The following MYCBP2 variants were observed in gnomAD, a reference collection of about 807,000 sequenced individuals.
The protein encoded by MYCBP2 is E3 ubiquitin-protein ligase MYCBP2.
A neutral mutation model predicts 525.3 loss-of-function variants in MYCBP2; 120 were observed. The observed-to-expected ratio is 0.23, with a 90% CI of 0.20 to 0.27. The LOEUF (loss-of-function observed/expected upper bound fraction) is 0.27. Among genes scored for constraint, MYCBP2 ranks in the 10% least tolerant of loss-of-function variants. The pLI, the probability that MYCBP2 is intolerant of heterozygous loss-of-function variation, is 1.00. For missense variants in MYCBP2, 4,149 were observed against 5,657.1 expected, an observed-to-expected ratio of 0.73 and a Z score of 8.55; for synonymous variants, 1,894 against 1,955.8, an observed-to-expected ratio of 0.97 and a Z score of 0.83.
rs2043375850 is a variant in MYCBP2 at position 77,082,005 on chromosome 13, A to T, written c.11037-12T>A. On this transcript the variant is annotated splice_polypyrimidine_tract_variant and intron_variant, in intron 63 of 82. Transcript: ENST00000544440. ...TGAGACTCCAGCACCTAAAAAGGCG[A>T]TATATAAGCAATATACGAAATAATT... The T allele has an allele frequency of 6.2e-7, 1 of 1,611,158 alleles. No individual in the cohort carries two copies. The highest frequency in any genetic ancestry group is 1.3e-5 in the African/African-American group (1 of 74,868).
chr13:77,251,121 T>C, intron 15 of MYCBP2, 30 bp downstream of exon 15: 4 of 1,599,044 alleles, frequency 2.5e-6, no homozygotes, highest in South Asian at 2.2e-5. Context: ...GTTCTGCACA[T>C]GTTCTTTAGT....
chr13:77,050,413 G>T (rs566188626), intron 82 of MYCBP2, among the ~76,000 whole-genome samples: 1 of 152,114 alleles, frequency 6.6e-6, no homozygotes, highest in African/African-American at 2.4e-5. Flanking sequence ...CTTCCGTGAA[G>T]CCTGGTATTC....
At chr13:77,122,792 G>A (rs927347419) in intron 54 of MYCBP2, among the ~76,000 whole-genome samples, 1 of 151,664 alleles carries the variant, frequency 6.6e-6, no homozygotes, top group Non-Finnish European at 1.5e-5. Flanking sequence ...TTGCAATTCT[G>A]CTAAACCAGT....
chr13:77,117,666 G>C (rs978889098), intron 55 of MYCBP2, among the ~76,000 whole-genome samples: 5 of 152,098 alleles, frequency 3.3e-5, no homozygotes, highest in African/African-American at 1.2e-4. Context: ...TAGCCAACAT[G>C]AGAACTGAAT....
chr13:77,181,953 CA>C, intron 32 of MYCBP2, 31 bp from the exon 33 acceptor site: 14 of 1,529,788 alleles, frequency 9.2e-6, no homozygotes, highest in African/African-American at 1.4e-5. Context: ...GCCCCCCAAC[CA>C]AAAAATATAG....
intron 52 of MYCBP2, among the ~76,000 whole-genome samples, chr13:77,132,622 A>G (rs1555354544): frequency 2.0e-5 from 3 of 152,102 alleles, no homozygotes; most frequent in Non-Finnish European, 2.9e-5. Context: ...CCATTTGTCT[A>G]TCATCTACTT....
Position 77,081,612 on chromosome 13 carries a change from T to A in MYCBP2, c.11233A>T (p.Ile3745Phe). The change falls in exon 65 of 83, where the codon ATT becomes TTT. Residue 3745 changes from isoleucine to phenylalanine, a missense_variant. This residue lies in a region of MYCBP2 where 509 missense variants were observed against 789.4 expected (regional missense o/e 0.64). Coordinates refer to ENST00000544440, the MANE Select transcript of MYCBP2 (RefSeq NM_015057.5). The surrounding 1 kb of genome is among the most constrained non-coding windows in gnomAD (Gnocchi z 4.6). ...CGGCTTGAAGTTTTTATGTCAACAATGCTGGTTAAGTCCTTTAAGCACATT... is the reference window on the plus strand; with the variant it reads ...CGGCTTGAAGTTTTTATGTCAACAAAGCTGGTTAAGTCCTTTAAGCACATT... ...IVMCLKDLTS[I>F]VDIKTSSRPA... The A allele has an allele frequency of 6.2e-7, 1 of 1,613,728 alleles. No individual in the cohort carries two copies. The highest frequency in any genetic ancestry group is 1.3e-5 in the African/African-American group (1 of 75,010).
At position 77,257,836 on chromosome 13, in the gene MYCBP2, G is replaced by T; in HGVS notation, c.2018-7C>A. ...TTCAAATCAGTTACCAAACCTATAGGAAAGAAACAAATTTAGTAAAAACAA... is the reference window on the plus strand; with the variant it reads ...TTCAAATCAGTTACCAAACCTATAGTAAAGAAACAAATTTAGTAAAAACAA... On this transcript the variant is annotated splice_region_variant and splice_polypyrimidine_tract_variant and intron_variant, in intron 13 of 82. Coordinates refer to ENST00000544440, the MANE Select transcript of MYCBP2 (RefSeq NM_015057.5). 6.3e-7 allele frequency: 1 copy of T among 1,594,886 alleles called. No homozygotes were observed. The highest frequency in any genetic ancestry group is 1.1e-5 in the South Asian group (1 of 87,410).
chr13:77,064,575 A>G (rs576731961), intron 73 of MYCBP2, 40 bp downstream of exon 73: 1 of 1,552,004 alleles, frequency 6.4e-7, no homozygotes, highest in South Asian at 1.2e-5. Context: ...GCAATGATAC[A>G]CACCAAATTT....
At position 77,051,805 on chromosome 13, in the gene MYCBP2, G is replaced by C; in HGVS notation, c.13755+6C>G. The C allele has an allele frequency of 1.9e-6, 3 of 1,605,498 alleles. No individual in the cohort carries two copies. The highest frequency in any genetic ancestry group is 2.2e-5 in the East Asian group (1 of 44,832). On this transcript the variant is annotated splice_donor_region_variant and intron_variant, in intron 81 of 82. Transcript: ENST00000544440. ...ACTGTTGTTTCTAATAAAATGTTCT[G>C]CCTACCTGAGCCCTGGAAACATCAG...
At chr13:77,219,307 T>A (rs929521698) in intron 20 of MYCBP2, among the ~76,000 whole-genome samples, 4 of 152,052 alleles carry the variant, frequency 2.6e-5, no homozygotes, top group African/African-American at 9.7e-5. Context: ...CCACTCGATT[T>A]AGCAGAAGGA....
rs774489258 is a variant in MYCBP2 at position 77,243,147 on chromosome 13, G to A, written c.2541C>T (p.Pro847=). 1.9e-5 allele frequency: 30 copies of A among 1,613,634 alleles called. No individual in the cohort carries two copies. Among genetic ancestry groups the A allele is most frequent in the Middle Eastern group, 3.3e-4 (2 of 6,084 alleles). ...GAAGGTGTTCTTCAATGTTAACCCC[G>A]GGCACTGGGACAGCTAGATGATTGG... ...PLDLLLAVPV[P]GVNIEEHLQL... The change falls in exon 17 of 83, where the codon CCC becomes CCT. Residue 847 remains proline (P), a synonymous_variant. Coordinates refer to ENST00000544440, the MANE Select transcript of MYCBP2 (RefSeq NM_015057.5).
At chr13:77,218,924 G>A (rs1163195610) in intron 20 of MYCBP2, among the ~76,000 whole-genome samples, 2 of 152,172 alleles carry the variant, frequency 1.3e-5, no homozygotes, top group Non-Finnish European at 2.9e-5. Flanking sequence ...TTAACTAGGA[G>A]CAGTGCAGAG....
intron 46 of MYCBP2, among the ~76,000 whole-genome samples, chr13:77,155,545 A>C (rs1160551316): frequency 6.6e-6 from 1 of 152,170 alleles, no homozygotes; most frequent in East Asian, 1.9e-4. Flanking sequence ...ATTTCAGGTA[A>C]GAGGTATCCT....
intron 1 of MYCBP2, among the ~76,000 whole-genome samples, chr13:77,307,394 T>C (rs1479069539): frequency 6.6e-6 from 1 of 151,646 alleles, no homozygotes; most frequent in Non-Finnish European, 1.5e-5. Context: ...TCTATCCCTC[T>C]TCATCACTAA....
Position 77,294,115 on chromosome 13 carries a change from T to TAC in MYCBP2, c.378+2483_378+2484insGT, listed in dbSNP as rs1382628273. 1.0e-3 allele frequency among the ~76,000 whole-genome samples: 54 copies of TAC among 53,802 alleles called. 1 individual carries two copies. The East Asian group carries it at 0.01, about 10-fold the overall frequency. 35.3% of individuals were successfully genotyped at this position (53,802 alleles called of 152,430 possible). On this transcript the variant is annotated intron_variant, in intron 2 of 82. Transcript: ENST00000544440. ...AGTAGATATAATGGCTATATATATA[T>TAC]ATATATATATATATACATATATATA...
intron 79 of MYCBP2, 121 bp downstream of exon 79, chr13:77,056,864 AG>A: frequency 2.9e-6 from 2 of 678,762 alleles, no homozygotes; most frequent in Non-Finnish European, 5.2e-6. Flanking sequence ...ATGAATGAGA[AG>A]GGAAGAAACT....
intron 1 of MYCBP2, among the ~76,000 whole-genome samples, chr13:77,324,562 G>A (rs1010407064): frequency 2.0e-5 from 3 of 152,202 alleles, no homozygotes; most frequent in African/African-American, 7.2e-5. Context: ...ATAATGTTGC[G>A]TTGAACAAGC....
At position 77,098,322 on chromosome 13, in the gene MYCBP2, A is replaced by T. The variant is rs1221904654; in HGVS notation, c.8832T>A (p.Asn2944Lys). ...CATCGCAGGTGCTGTCTGTTAGACT[A>T]TTTGTTTTTAAAGTACTTGAGGTGC... Reference protein sequence around the residue: ...EVCTSSTLKTNSLTDSTCDDS... With the variant: ...EVCTSSTLKTKSLTDSTCDDS... The change falls in exon 56 of 83, where the codon AAT (asparagine) becomes AAA (lysine). Residue 2944 changes from asparagine to lysine, a missense_variant. Coordinates refer to ENST00000544440, the MANE Select transcript of MYCBP2 (RefSeq NM_015057.5). The T allele has an allele frequency of 1.2e-6, 2 of 1,611,544 alleles. No individual in the cohort carries two copies. The highest frequency in any genetic ancestry group is 1.7e-6 in the Non-Finnish European group (2 of 1,179,676).
Sources: allele counts gnomAD v4.1 joint callset (sites outside exome capture counted in the v4.1 genomes callset), GRCh38; gene constraint gnomAD v4.1.1; regional missense constraint gnomAD v4.1.1; non-coding constraint Gnocchi (gnomAD v3.1); transcripts MANE v1.5; gene names NCBI Gene and HGNC (gene_info 2026-07-23, HGNC 2026-07-21).